AKT2: variants seen among roughly 807,000 people sequenced by gnomAD.
AKT2 encodes RAC-beta serine/threonine-protein kinase.
AKT2 carries 16 observed loss-of-function variants against 58.6 expected under a neutral mutation model. The observed-to-expected ratio is 0.27, with a 90% CI of 0.18 to 0.41. The LOEUF is 0.41. Among genes scored for constraint, AKT2 ranks in the 10% least tolerant of loss-of-function variants. The probability of loss-of-function intolerance (pLI) is 1.00; values close to 1 mark genes in which losing one functional copy is unlikely to be tolerated. For missense variants in AKT2, 438 were observed against 661.0 expected (o/e 0.66, Z 3.70); for synonymous variants, 253 against 254.0 (o/e 1.00, Z 0.04).
At position 40,255,436 on chromosome 19, in the gene AKT2, C is replaced by T. The variant is rs1043723100; in HGVS notation, c.176-167G>A. On this transcript the variant is annotated intron_variant, in intron 3 of 13. Coordinates refer to ENST00000392038, the MANE Select transcript of AKT2 (RefSeq NM_001626.6). ...GTCCTGTTCTCACAGGGCTCAGGGT[C>T]TAGTGTGTGTGTGTGTGGAAGGAGA... 8.7e-6 allele frequency: 5 copies of T among 576,630 alleles called. No homozygotes were observed. The African/African-American group carries it at 1.1e-4, about 12-fold the overall frequency. The allele number at this position is 576,630 out of a possible 1,614,324, so 35.7% of individuals were successfully genotyped here.
intron 4 of AKT2, among the ~76,000 whole-genome samples, chr19:40,246,903 GGCGGGCTGTCGGCGCAGAGCACC>G: frequency 6.6e-6 from 1 of 152,358 alleles, no homozygotes; most frequent in Non-Finnish European, 1.5e-5. Context: ...CTAAGAGGTT[GGCGGGCTGTCGGCGCAGAGCACC>G]GCGCGCAGGG....
At chr19:40,263,971 G>A (rs1976154982) in intron 2 of AKT2, among the ~76,000 whole-genome samples, 1 of 152,134 alleles carries the variant, frequency 6.6e-6, no homozygotes, top group Non-Finnish European at 1.5e-5. Context: ...CCATCCTCAC[G>A]TTGCTTGTTT....
At chr19:40,262,467 G>A (rs2145345060) in intron 2 of AKT2, among the ~76,000 whole-genome samples, 1 of 152,366 alleles carries the variant, frequency 6.6e-6, no homozygotes, top group South Asian at 2.1e-4. Flanking sequence ...GGGCGTGGCA[G>A]AGGGCAGGTG....
rs115411240 is a variant in AKT2 at position 40,232,598 on chromosome 19, G to C, written c.*1274C>G. 1 of 233,158 alleles carries C rather than the reference G, an allele frequency of 4.3e-6. No individual in the cohort carries two copies. Among genetic ancestry groups the C allele is most frequent in the African/African-American group, 2.2e-5 (1 of 45,280 alleles). The allele number at this position is 233,158 out of a possible 1,614,324, so 14.4% of individuals were successfully genotyped here. On this transcript the variant is annotated 3_prime_UTR_variant, in exon 14 of 14. Coordinates refer to ENST00000392038, the MANE Select transcript of AKT2 (RefSeq NM_001626.6). ...GGGAGGCGTGGGCAGGGCAGCTCAT[G>C]GATCACAGTGGGGCTCCTCCCACTA...
At chr19:40,267,340 A>C (rs1016375552) in intron 1 of AKT2, among the ~76,000 whole-genome samples, 2 of 152,188 alleles carry the variant, frequency 1.3e-5, no homozygotes, top group African/African-American at 4.8e-5. Context: ...GGAAAGGCTA[A>C]GGACCATGAC....
At position 40,231,355 on chromosome 19, in the gene AKT2, C is replaced by T. The variant is rs79799486; in HGVS notation, c.*2517G>A. 4.3e-6 allele frequency: 1 copy of T among 232,926 alleles called. No individual in the cohort carries two copies. The highest frequency in any genetic ancestry group is 2.2e-5 in the African/African-American group (1 of 45,314). The allele number at this position is 232,926 out of a possible 1,614,324, so 14.4% of individuals were successfully genotyped here. ...TGGGACGAGATGGAAGAGTAAAAGG[C>T]CTTTCTTCATAGGCCTGCCTATTTT... On this transcript the variant is annotated 3_prime_UTR_variant, in exon 14 of 14. Coordinates refer to ENST00000392038, the MANE Select transcript of AKT2 (RefSeq NM_001626.6).
At chr19:40,277,272 A>C (rs1329833938) in intron 1 of AKT2, among the ~76,000 whole-genome samples, 1 of 152,168 alleles carries the variant, frequency 6.6e-6, no homozygotes, top group Non-Finnish European at 1.5e-5. Context: ...ACATGCCCCT[A>C]CTAACTTTTT....
At position 40,242,553 on chromosome 19, in the gene AKT2, C is replaced by G; in HGVS notation, c.422G>C (p.Ser141Thr). ...STTEEMEVAV[S>T]KARAKVTMND... ...ACTTACCACTTTAGCCCGTGCCTTG[C>G]TGACCGCCACTTCCATCTCCTCAGT... The change falls in exon 5 of 14, where the codon AGC becomes ACC. Residue 141 changes from serine (S) to threonine (T), a missense_variant. This residue lies in a region of AKT2 where 244 missense variants were observed against 347.1 expected (regional missense o/e 0.70). Transcript: ENST00000392038. This position sits in a 1 kb window ranked among gnomAD's most constrained non-coding sequence, Gnocchi z 4.3. 1 of 1,613,820 alleles carries G rather than the reference C, an allele frequency of 6.2e-7. No individual in the cohort carries two copies. Among genetic ancestry groups the G allele is most frequent in the Non-Finnish European group, 8.5e-7 (1 of 1,180,026 alleles).
Position 40,238,557 on chromosome 19 carries a change from G to A in AKT2, c.708+348C>T, listed in dbSNP as rs141275086. Among the ~76,000 whole-genome samples the A allele has an allele frequency of 3.3e-3, 503 of 152,276 alleles. 4 individuals carry two copies. The highest frequency in any genetic ancestry group is 0.012 in the African/African-American group (494 of 41,560). On this transcript the variant is annotated intron_variant, in intron 8 of 13. Transcript: ENST00000392038. The surrounding 1 kb of genome is among the most constrained non-coding windows in gnomAD (Gnocchi z 5.1). The stretch of plus-strand genomic sequence containing the variant: ...GGGAATTCACTTCGAGAGGACACGG[G>A]AACGGAGGGCTGCTAGGTTTTAACC...
chr19:40,267,050 G>A (rs941366518), intron 1 of AKT2, among the ~76,000 whole-genome samples: 2 of 151,870 alleles, frequency 1.3e-5, no homozygotes, highest in East Asian at 1.9e-4. Flanking sequence ...CATCCTGCCC[G>A]CGGCCTGGCT....
intron 1 of AKT2, 156 bp from the exon 2 acceptor site, chr19:40,265,507 T>G: frequency 1.0e-6 from 1 of 1,001,594 alleles, no homozygotes; most frequent in Non-Finnish European, 1.4e-6. Context: ...CAAGGACCCA[T>G]TCTGAGCAGA....
intron 2 of AKT2, among the ~76,000 whole-genome samples, chr19:40,264,864 C>A (rs1337623727): frequency 1.3e-5 from 2 of 152,228 alleles, no homozygotes; most frequent in Non-Finnish European, 2.9e-5. Context: ...TGTCTCGGAG[C>A]CCGGGGCTAT....
chr19:40,273,596 G>A (rs2077257729), intron 1 of AKT2: 1 of 151,680 alleles, frequency 6.6e-6, no homozygotes, highest in South Asian at 2.1e-4. Context: ...GCTTGGAGCA[G>A]GTGGGGCTGG....
intron 1 of AKT2, chr19:40,269,140 G>C (rs1038245696): frequency 2.0e-5 from 3 of 152,364 alleles, no homozygotes; most frequent in Non-Finnish European, 4.4e-5. Context: ...CTGATCACTC[G>C]GGGGGCTGCC....
intron 2 of AKT2, among the ~76,000 whole-genome samples, chr19:40,261,106 A>G (rs1336178254): frequency 2.0e-5 from 3 of 152,254 alleles, no homozygotes; most frequent in African/African-American, 7.2e-5. Context: ...GGTGCTATGA[A>G]TTGAATTGTC....
chr19:40,234,051 C>T lies in AKT2; in HGVS notation c.1367-100G>A. ...AACGGCCCCAGCTGGCGGGGGCTGCCCACAGGACAGGACAGGAAAGGCCCA... is the reference window on the plus strand; with the variant it reads ...AACGGCCCCAGCTGGCGGGGGCTGCTCACAGGACAGGACAGGAAAGGCCCA... On this transcript the variant is annotated intron_variant, in intron 13 of 13. Coordinates refer to ENST00000392038, the MANE Select transcript of AKT2 (RefSeq NM_001626.6). This position sits in a 1 kb window ranked among gnomAD's most constrained non-coding sequence, Gnocchi z 4.7. 5.7e-6 allele frequency: 7 copies of T among 1,238,938 alleles called. No individual in the cohort carries two copies. The highest frequency in any genetic ancestry group is 6.8e-6 in the Non-Finnish European group (6 of 881,370). 76.7% of individuals were successfully genotyped at this position (1,238,938 alleles called of 1,614,324 possible).
chr19:40,267,907 G>A (rs1297515892), intron 1 of AKT2, among the ~76,000 whole-genome samples: 1 of 152,114 alleles, frequency 6.6e-6, no homozygotes, highest in Non-Finnish European at 1.5e-5. Context: ...TGGTGTGCGG[G>A]ACTTGCGAGC....
intron 4 of AKT2, among the ~76,000 whole-genome samples, chr19:40,254,630 C>T (rs1422333929): frequency 6.6e-6 from 1 of 151,416 alleles, no homozygotes; most frequent in African/African-American, 2.4e-5. Flanking sequence ...GAGTTTGAGA[C>T]CAGCCTGGCT....
intron 1 of AKT2, among the ~76,000 whole-genome samples, chr19:40,275,706 G>C (rs1299420024): frequency 6.8e-6 from 1 of 146,240 alleles, no homozygotes; most frequent in Admixed American, 7.2e-5. Flanking sequence ...AACTTAAAAA[G>C]CCATATGTGA....
Sources: gnomAD v4.1 joint callset for allele counts (sites outside exome capture counted in the v4.1 genomes callset) on GRCh38, gnomAD v4.1.1 for gene constraint, gnomAD v4.1.1 regional missense constraint, Gnocchi (gnomAD v3.1) non-coding constraint, MANE v1.5 for transcripts, NCBI Gene and HGNC (gene_info 2026-07-23, HGNC 2026-07-21) for gene names.